Variants in ATP10A observed in about 807,000 individuals in gnomAD.
ATP10A encodes phospholipid-transporting ATPase VA.
In ATP10A, 111 loss-of-function variants were observed where a neutral mutation model predicts 147.8. The observed-to-expected ratio is 0.75, with a 90% confidence interval of 0.64 to 0.88. ATP10A has a LOEUF of 0.88. ATP10A is among the 40% of genes least tolerant of loss of function. The pLI, the probability that ATP10A is intolerant of heterozygous loss-of-function variation, is 0.00. For missense variants in ATP10A, 1,927 were observed against 1,959.0 expected, an observed-to-expected ratio of 0.98 and a Z score of 0.31; for synonymous variants, 875 against 841.6, an observed-to-expected ratio of 1.04 and a Z score of -0.69.
At position 25,847,745 on chromosome 15, in the gene ATP10A, C is replaced by A. The variant is rs547390339; in HGVS notation, c.449+14903G>T. ...TCTTAACCTTCTGTGCTCAAACAAT[C>A]TCAGCCCCGCAAGCAGCTGGGACTA... On this transcript the variant is annotated intron_variant, in intron 1 of 20. Transcript: ENST00000555815. Among the ~76,000 whole-genome samples the A allele has an allele frequency of 2.7e-5, 4 of 148,396 alleles. No individual in the cohort carries two copies. The East Asian group carries it at 6.3e-4, about 23-fold the overall frequency.
intron 12 of ATP10A, among the ~76,000 whole-genome samples, chr15:25,705,460 A>AC (rs1469748341): frequency 7.4e-4 from 2 of 2,696 alleles, no homozygotes; most frequent in Non-Finnish European, 3.5e-3. Context: ...AAAACAAAAA[A>AC]AAAAAACAAA....
intron 2 of ATP10A, among the ~76,000 whole-genome samples, chr15:25,742,977 G>A (rs1436887389): frequency 6.6e-6 from 1 of 152,224 alleles, no homozygotes; most frequent in Non-Finnish European, 1.5e-5. Flanking sequence ...GGTGTGAGCA[G>A]AGGCACGGCT....
Position 25,679,471 on chromosome 15 carries a change from G to C in ATP10A, c.4370C>G (p.Ser1457Cys). Residue 1457 changes from serine to cysteine, a missense_variant, in exon 21 of 21, where the codon TCC becomes TGC. Physicochemically the swap from Ser to Cys is moderately radical, Grantham distance 112 (BLOSUM62 -1). Transcript: ENST00000555815. ...TCCATCTGCAAGCTGCTCCGTCCGG[G>C]AGAACTGTAAGACACTCCCCAGCCT... is the stretch of plus-strand genomic sequence containing the variant. ...VSRLGSVLQFSRTEQLADGQA... is the reference protein window; with the variant it reads ...VSRLGSVLQFCRTEQLADGQA... 6.2e-7 allele frequency: 1 copy of C among 1,614,032 alleles called. No individual in the cohort carries two copies. Among genetic ancestry groups the C allele is most frequent in the Non-Finnish European group, 8.5e-7 (1 of 1,179,992 alleles).
At chr15:25,831,548 C>G (rs1408627264) in intron 1 of ATP10A, among the ~76,000 whole-genome samples, 3 of 152,152 alleles carry the variant, frequency 2.0e-5, no homozygotes, top group Non-Finnish European at 2.9e-5. Context: ...CAATCAATGA[C>G]AGTCTTCACA....
chr15:25,779,212 T>C lies in ATP10A; in HGVS notation c.654+1807A>G, dbSNP rs1273647044. Among the ~76,000 whole-genome samples the C allele has an allele frequency of 2.6e-5, 4 of 152,330 alleles. No individual in the cohort carries two copies. In the East Asian group the frequency reaches 7.7e-4, roughly 29 times the overall value. On this transcript the variant is annotated intron_variant, in intron 2 of 20. Coordinates refer to ENST00000555815, the MANE Select transcript of ATP10A (RefSeq NM_024490.4). ...TTCTTGAGAGTTGATCAAGGAGATCTATCTGCGGCGTTCCCCTACCTGCCA... is the reference window on the plus strand; with the variant it reads ...TTCTTGAGAGTTGATCAAGGAGATCCATCTGCGGCGTTCCCCTACCTGCCA...
At chr15:25,762,950 A>G (rs1157368737) in intron 2 of ATP10A, among the ~76,000 whole-genome samples, 2 of 152,198 alleles carry the variant, frequency 1.3e-5, no homozygotes, top group African/African-American at 4.8e-5. Context: ...ACGAAAGGGC[A>G]GCTAAAGTTT....
At position 25,739,922 on chromosome 15, in the gene ATP10A, G is replaced by A. The variant is rs112768347; in HGVS notation, c.655-3781C>T. Reference sequence around the variant, plus strand: ...TGAACTTGCGTTTCTGCTAGAGACCGCAGCAGCAGGTGCTCCAGGGATGCC... The same window carrying A: ...TGAACTTGCGTTTCTGCTAGAGACCACAGCAGCAGGTGCTCCAGGGATGCC... On this transcript the variant is annotated intron_variant, in intron 2 of 20. Transcript: ENST00000555815. Among the ~76,000 whole-genome samples the A allele has an allele frequency of 3.4e-3, 514 of 152,284 alleles. 3 individuals carry two copies. The highest frequency in any genetic ancestry group is 8.9e-3 in the East Asian group (46 of 5,162).
intron 1 of ATP10A, among the ~76,000 whole-genome samples, chr15:25,846,288 A>T (rs1893022257): frequency 6.6e-6 from 1 of 152,196 alleles, no homozygotes; most frequent in Admixed American, 6.5e-5. Flanking sequence ...CACACTTAAA[A>T]GGGTTAAATG....
intron 16 of ATP10A, 136 bp from the exon 17 acceptor site, chr15:25,683,622 A>G: frequency 1.2e-6 from 1 of 844,234 alleles, no homozygotes; most frequent in Non-Finnish European, 1.8e-6. Context: ...TGCCAAAGAC[A>G]GCCATGACCT....
intron 2 of ATP10A, among the ~76,000 whole-genome samples, chr15:25,773,301 C>A (rs1196428092): frequency 6.6e-6 from 1 of 152,186 alleles, no homozygotes; most frequent in Non-Finnish European, 1.5e-5. Flanking sequence ...ACGAGGGAAG[C>A]TGGCTCTTAC....
chr15:25,854,832 T>C (rs760440908), intron 1 of ATP10A, among the ~76,000 whole-genome samples: 1 of 152,078 alleles, frequency 6.6e-6, no homozygotes, highest in Non-Finnish European at 1.5e-5. Context: ...CCAAGGAGGA[T>C]GGATCATCTG....
At chr15:25,858,273 C>T (rs1241717683) in intron 1 of ATP10A, among the ~76,000 whole-genome samples, 2 of 152,124 alleles carry the variant, frequency 1.3e-5, no homozygotes, top group Non-Finnish European at 2.9e-5. Context: ...TTTTGCAAAC[C>T]TTTTACCCAA....
chr15:25,784,544 C>A (rs866175752), intron 1 of ATP10A, among the ~76,000 whole-genome samples: 15 of 152,254 alleles, frequency 9.9e-5, no homozygotes, highest in Middle Eastern at 3.4e-3. Flanking sequence ...GATGGGGGTG[C>A]CACGTGCAGA....
At chr15:25,695,903 C>T (rs1900310291) in intron 13 of ATP10A, among the ~76,000 whole-genome samples, 1 of 152,032 alleles carries the variant, frequency 6.6e-6, no homozygotes, top group Admixed American at 6.6e-5. Flanking sequence ...TCAGTATCCT[C>T]CCTAAGTTCT....
At chr15:25,815,090 A>C (rs1312920737) in intron 1 of ATP10A, among the ~76,000 whole-genome samples, 1 of 152,108 alleles carries the variant, frequency 6.6e-6, no homozygotes, top group African/African-American at 2.4e-5. Context: ...GATTAGATGG[A>C]TCTCCCTCCA....
intron 1 of ATP10A, among the ~76,000 whole-genome samples, chr15:25,845,672 G>A (rs1280688067): frequency 6.6e-6 from 1 of 152,172 alleles, no homozygotes; most frequent in Non-Finnish European, 1.5e-5. Context: ...TCCACTGGCA[G>A]CAGCAGCATA....
chr15:25,751,173 T>C (rs552137236), intron 2 of ATP10A, among the ~76,000 whole-genome samples: 1 of 152,280 alleles, frequency 6.6e-6, no homozygotes, highest in African/African-American at 2.4e-5. Flanking sequence ...AATGGCTATA[T>C]TGCTATCAGA....
intron 1 of ATP10A, among the ~76,000 whole-genome samples, chr15:25,859,598 TC>T (rs1158146859): frequency 6.6e-6 from 1 of 151,392 alleles, no homozygotes; most frequent in Non-Finnish European, 1.5e-5. Flanking sequence ...CACCCAGTGC[TC>T]CCCCAACCTG....
intron 3 of ATP10A, among the ~76,000 whole-genome samples, chr15:25,732,012 C>A (rs577238389): frequency 3.3e-4 from 50 of 152,168 alleles, no homozygotes; most frequent in South Asian, 4.2e-4. Flanking sequence ...TGCACCACCA[C>A]ACCCACACCA....
Sources: gnomAD v4.1 joint callset for allele counts (sites outside exome capture counted in the v4.1 genomes callset) on GRCh38, gnomAD v4.1.1 for gene constraint, MANE v1.5 for transcripts, NCBI Gene and HGNC (gene_info 2026-07-23, HGNC 2026-07-21) for gene names.